PRDM1: variants seen among roughly 807,000 people sequenced by gnomAD.
PRDM1 encodes PR/SET domain 1, also known as PR domain zinc finger protein 1.
PRDM1 carries 13 observed loss-of-function variants against 62.8 expected under a neutral mutation model. That is an observed-to-expected ratio of 0.21 (90% CI 0.13 to 0.33). The LOEUF (loss-of-function observed/expected upper bound fraction) is 0.33. Ranked by LOEUF, PRDM1 falls within the 10% of genes least tolerant of loss-of-function variation. The pLI is 1.00. For missense variants in PRDM1, 895 were observed against 1,058.8 expected, an observed-to-expected ratio of 0.85 and a Z score of 2.15; for synonymous variants, 396 against 417.6, an observed-to-expected ratio of 0.95 and a Z score of 0.63.
intron 1 of PRDM1, among the ~76,000 whole-genome samples, chr6:106,022,770 G>A (rs1207792517): frequency 6.6e-6 from 1 of 152,072 alleles, no homozygotes; most frequent in Non-Finnish European, 1.5e-5. Context: ...TGTCTAGGCT[G>A]GTCTCAAACT....
chr6:106,039,417 G>A (rs7769470), intron 1 of PRDM1, among the ~76,000 whole-genome samples: 36,720 of 152,108 alleles, frequency 0.24, 5,062 homozygotes, highest in Non-Finnish European at 0.32. Context: ...CTCAATCCCT[G>A]TTATGTTTGT....
intron 1 of PRDM1, among the ~76,000 whole-genome samples, chr6:106,041,046 C>CA (rs1772987394): frequency 6.6e-6 from 1 of 152,136 alleles, no homozygotes; most frequent in South Asian, 2.1e-4. Context: ...GTAATAGTAA[C>CA]ACAGTTTCTG....
In PRDM1 at chr6:106,099,360, T is replaced by C; in HGVS notation, c.472T>C (p.Trp158Arg). The change falls in exon 4 of 7, where the codon TGG (tryptophan) becomes CGG (arginine). Residue 158 changes from tryptophan to arginine, a missense_variant. By Grantham distance (101) the Trp-to-Arg change is moderately radical. Transcript: ENST00000369096. ...IDGFNEEKSN[W>R]MRYVNPAHSP... ...CGGCTTTAATGAAGAGAAAAGCAACTGGATGCGCTATGTGAATCCAGCACA... is the reference window on the plus strand; with the variant it reads ...CGGCTTTAATGAAGAGAAAAGCAACCGGATGCGCTATGTGAATCCAGCACA... The C allele has an allele frequency of 6.2e-7, 1 of 1,614,160 alleles. No individual in the cohort carries two copies. Among genetic ancestry groups the C allele is most frequent in the Non-Finnish European group, 8.5e-7 (1 of 1,180,022 alleles).
intron 1 of PRDM1, 81 bp from the exon 2 acceptor site, chr6:106,088,120 C>T: frequency 1.3e-6 from 2 of 1,481,976 alleles, no homozygotes; most frequent in South Asian, 2.7e-5. Flanking sequence ...CTTCAGACTA[C>T]TGTATTAGTC....
At chr6:105,999,430 A>G (rs1772401140) in intron 1 of PRDM1, among the ~76,000 whole-genome samples, 1 of 151,944 alleles carries the variant, frequency 6.6e-6, no homozygotes, top group African/African-American at 2.4e-5. Flanking sequence ...GTGACCAATT[A>G]GAACAAAATT....
chr6:106,024,258 A>G (rs539879725), intron 1 of PRDM1, among the ~76,000 whole-genome samples: 4 of 152,330 alleles, frequency 2.6e-5, no homozygotes, highest in Non-Finnish European at 5.9e-5. Flanking sequence ...GCACATGGCC[A>G]TGAACCCCCA....
chr6:106,037,635 G>A (rs150508587), intron 1 of PRDM1, among the ~76,000 whole-genome samples: 61 of 152,086 alleles, frequency 4.0e-4, no homozygotes, highest in African/African-American at 1.4e-3. Context: ...CACAAATCTG[G>A]CCAAATACCT....
intron 2 of PRDM1, among the ~76,000 whole-genome samples, chr6:106,094,225 A>G (rs1475061690): frequency 2.0e-5 from 3 of 152,256 alleles, no homozygotes; most frequent in Non-Finnish European, 2.9e-5. Flanking sequence ...TGGAAAATAA[A>G]CATTATCATC....
chr6:106,014,669 C>T (rs1772597547), intron 1 of PRDM1, among the ~76,000 whole-genome samples: 1 of 149,852 alleles, frequency 6.7e-6, no homozygotes, highest in Admixed American at 6.7e-5. Context: ...ATTAAATATA[C>T]TATAAATTTA....
intron 1 of PRDM1, among the ~76,000 whole-genome samples, chr6:106,033,346 T>G (rs1308090084): frequency 6.7e-6 from 1 of 148,526 alleles, no homozygotes; most frequent in Admixed American, 6.8e-5. Context: ...AGAGACAGAA[T>G]CTCTCTATAT....
At chr6:106,033,214 A>T (rs1582432751) in intron 1 of PRDM1, among the ~76,000 whole-genome samples, 1 of 152,020 alleles carries the variant, frequency 6.6e-6, no homozygotes, top group East Asian at 1.9e-4. Flanking sequence ...ATCATAGCTC[A>T]CTGTAATCTG....
At chr6:106,050,917 A>G (rs563124971) in intron 1 of PRDM1, among the ~76,000 whole-genome samples, 24 of 152,364 alleles carry the variant, frequency 1.6e-4, no homozygotes, top group Admixed American at 1.2e-3. Context: ...TACTTTTTGT[A>G]TTTAAAATTT....
chr6:106,058,156 T>G (rs1400381571), intron 1 of PRDM1, among the ~76,000 whole-genome samples: 1 of 152,200 alleles, frequency 6.6e-6, no homozygotes, highest in Non-Finnish European at 1.5e-5. Flanking sequence ...CAGTTTGAGC[T>G]GCTATACAAA....
At chr6:106,043,343 C>T (rs1773029593) in intron 1 of PRDM1, among the ~76,000 whole-genome samples, 1 of 152,150 alleles carries the variant, frequency 6.6e-6, no homozygotes, top group Non-Finnish European at 1.5e-5. Context: ...AGGGCAAAGA[C>T]TATGTCAGTT....
chr6:106,014,813 T>C (rs979577204), intron 1 of PRDM1, among the ~76,000 whole-genome samples: 83 of 152,288 alleles, frequency 5.5e-4, no homozygotes, highest in African/African-American at 1.9e-3. Flanking sequence ...GGTGTCTTTC[T>C]TTCTTTTTTA....
At chr6:106,053,533 A>C (rs1483205774) in intron 1 of PRDM1, among the ~76,000 whole-genome samples, 1 of 152,158 alleles carries the variant, frequency 6.6e-6, no homozygotes, top group Non-Finnish European at 1.5e-5. Flanking sequence ...AGAATACATA[A>C]GTATTCTATT....
intron 1 of PRDM1, among the ~76,000 whole-genome samples, chr6:106,051,218 G>A (rs1306073307): frequency 6.6e-6 from 1 of 152,200 alleles, no homozygotes; most frequent in Non-Finnish European, 1.5e-5. Context: ...TGAAAATCAT[G>A]GTAACAAGAA....
intron 1 of PRDM1, among the ~76,000 whole-genome samples, chr6:106,060,920 G>T (rs986067205): frequency 6.6e-6 from 1 of 152,094 alleles, no homozygotes; most frequent in Non-Finnish European, 1.5e-5. Flanking sequence ...CATCAAGGGG[G>T]ATAGACCAGG....
chr6:106,005,275 A>G (rs1217664486), intron 1 of PRDM1, among the ~76,000 whole-genome samples: 1 of 152,224 alleles, frequency 6.6e-6, no homozygotes, highest in East Asian at 1.9e-4. Context: ...CTGTTTGGAT[A>G]TGCACATGAC....
Sources: allele counts gnomAD v4.1 joint callset (sites outside exome capture counted in the v4.1 genomes callset), GRCh38; gene constraint gnomAD v4.1.1; transcripts MANE v1.5; gene names NCBI Gene and HGNC (gene_info 2026-07-23, HGNC 2026-07-21).